The following NDRG4 variants were observed in gnomAD, a reference collection of about 807,000 sequenced individuals.
The protein encoded by NDRG4 is NDRG family member 4.
In NDRG4, 38 loss-of-function variants were observed where a neutral mutation model predicts 55.8. The ratio of observed to expected loss-of-function variants is 0.68; its 90% CI spans 0.53 to 0.89. NDRG4 has a LOEUF of 0.89. Ranked by LOEUF, NDRG4 falls within the 40% of genes least tolerant of loss-of-function variation. The pLI is 0.00. For synonymous variants in NDRG4, 190 were observed against 182.7 expected, an observed-to-expected ratio of 1.04 and a Z score of -0.32; for missense variants, 455 against 468.6, an observed-to-expected ratio of 0.97 and a Z score of 0.27.
At chr16:58,504,725 A>G in intron 5 of NDRG4, 76 bp downstream of exon 5, 3 of 1,538,750 alleles carry the variant, frequency 1.9e-6, no homozygotes, top group South Asian at 2.2e-5. Context: ...GACTGGGGGG[A>G]ACCCTTCAGC....
intron 1 of NDRG4, among the ~76,000 whole-genome samples, chr16:58,486,438 GCATGAGCCA>G (rs1337379419): frequency 6.6e-6 from 1 of 150,730 alleles, no homozygotes; most frequent in Non-Finnish European, 1.5e-5. Context: ...GGGATTATAG[GCATGAGCCA>G]CTGTGCCTGG....
chr16:58,467,375 C>T (rs920028396), intron 1 of NDRG4, among the ~76,000 whole-genome samples: 11 of 152,092 alleles, frequency 7.2e-5, no homozygotes, highest in Admixed American at 3.9e-4. Context: ...GGTGTGGTGG[C>T]GCACGCCTGT....
At position 58,511,355 on chromosome 16, in the gene NDRG4, A is replaced by G. The variant is rs1397897616; in HGVS notation, c.905-67A>G. On this transcript the variant is annotated intron_variant, in intron 14 of 14. Coordinates refer to ENST00000570248, the MANE Select transcript of NDRG4 (RefSeq NM_001242835.2). Reference sequence around the variant, plus strand: ...TCGCTGGCCGCTTTGCTTGCAGCCTACTTTTCCCACCAGAGGCACCTGGCC... The same window carrying G: ...TCGCTGGCCGCTTTGCTTGCAGCCTGCTTTTCCCACCAGAGGCACCTGGCC... 8.0e-6 allele frequency: 12 copies of G among 1,503,126 alleles called. No homozygotes were observed. The East Asian group carries it at 1.1e-4, about 14-fold the overall frequency. 93.1% of individuals were successfully genotyped at this position (1,503,126 alleles called of 1,614,324 possible).
chr16:58,514,007 A>T (rs1295238155), downstream of NDRG4, among the ~76,000 whole-genome samples: 2 of 152,148 alleles, frequency 1.3e-5, no homozygotes, highest in Admixed American at 1.3e-4. Context: ...AAATGCCTTA[A>T]AGACAAAACA....
At chr16:58,472,766 G>A (rs570620801) in intron 1 of NDRG4, among the ~76,000 whole-genome samples, 1 of 152,094 alleles carries the variant, frequency 6.6e-6, no homozygotes, top group Non-Finnish European at 1.5e-5. Flanking sequence ...CCTCGCAAGG[G>A]CAGTGTGGTT....
intron 4 of NDRG4, 57 bp downstream of exon 4, chr16:58,504,478 A>G (rs1366463949): frequency 1.7e-5 from 28 of 1,611,748 alleles, no homozygotes; most frequent in African/African-American, 2.7e-5. Flanking sequence ...CCAACTGCAG[A>G]GCCACCTGGC....
chr16:58,511,727 G>C lies in NDRG4; in HGVS notation c.*151G>C, dbSNP rs1567363072. The C allele has an allele frequency of 1.1e-6, 1 of 932,904 alleles. No individual in the cohort carries two copies. Among genetic ancestry groups the C allele is most frequent in the Admixed American group, 2.0e-5 (1 of 50,426 alleles). The allele number at this position is 932,904 out of a possible 1,614,324, so 57.8% of individuals were successfully genotyped here. ...TGAGGGGATCTTAGATGCTGCAGCA[G>C]AACAGTCTCCAGGTGTTTTAAGGGG... is the stretch of plus-strand genomic sequence containing the variant. On this transcript the variant is annotated 3_prime_UTR_variant, in exon 15 of 15. Transcript: ENST00000570248.
intron 1 of NDRG4, among the ~76,000 whole-genome samples, chr16:58,473,083 C>A (rs2033103772): frequency 6.6e-6 from 1 of 152,156 alleles, no homozygotes; most frequent in African/African-American, 2.4e-5. Context: ...TTCTGAAGTA[C>A]AAATTGTTTT....
At chr16:58,471,972 G>A (rs2032906348) in intron 1 of NDRG4, among the ~76,000 whole-genome samples, 1 of 152,146 alleles carries the variant, frequency 6.6e-6, no homozygotes, top group South Asian at 2.1e-4. Context: ...CATACCCTGT[G>A]CACCCCAAAT....
intron 2 of NDRG4, among the ~76,000 whole-genome samples, chr16:58,488,800 C>T (rs1308412875): frequency 6.6e-6 from 1 of 152,140 alleles, no homozygotes; most frequent in Non-Finnish European, 1.5e-5. Context: ...CAGACAGAAC[C>T]TTGAGTTAAC....
chr16:58,488,624 G>T (rs2035413771), intron 2 of NDRG4, among the ~76,000 whole-genome samples: 1 of 151,940 alleles, frequency 6.6e-6, no homozygotes, highest in African/African-American at 2.4e-5. Flanking sequence ...AATCTGCAGG[G>T]CACTGTAGTC....
chr16:58,506,074 T>C, intron 5 of NDRG4: 2 of 516,644 alleles, frequency 3.9e-6, no homozygotes, highest in East Asian at 4.1e-5. Flanking sequence ...GATTTTAAGA[T>C]GTTTAATACT....
chr16:58,501,272 A>ACAGCACCAC (rs1456945198), intron 1 of NDRG4: 4 of 395,970 alleles, frequency 1.0e-5, no homozygotes, highest in African/African-American at 8.2e-5. Flanking sequence ...AGGCCGAACC[A>ACAGCACCAC]CAGCACCACC....
chr16:58,464,357 G>C lies in NDRG4; in HGVS notation c.-24+560G>C. On this transcript the variant is annotated intron_variant, in intron 1 of 15. Coordinates refer to the NDRG4 transcript ENST00000258187. This position sits in a 1 kb window ranked among gnomAD's most constrained non-coding sequence, Gnocchi z 4.8. ...TGCCGCTCCGCTCCGGGTCTCCCGC[G>C]CTCCTCTCCCCGGCTCGGCCGAGCG... is the stretch of plus-strand genomic sequence containing the variant. 1 of 1,296,962 alleles carries C rather than the reference G, an allele frequency of 7.7e-7. No homozygotes were observed. Among genetic ancestry groups the C allele is most frequent in the Non-Finnish European group, 9.9e-7 (1 of 1,007,650 alleles). The allele number at this position is 1,296,962 out of a possible 1,614,324, so 80.3% of individuals were successfully genotyped here.
Position 58,464,535 on chromosome 16 carries a change from CG to C in NDRG4, c.-24+742del. On this transcript the variant is annotated intron_variant, in intron 1 of 15. Coordinates refer to the NDRG4 transcript ENST00000258187. This position sits in a 1 kb window ranked among gnomAD's most constrained non-coding sequence, Gnocchi z 4.8. The stretch of plus-strand genomic sequence containing the variant: ...TGGAGCGGACTCCGGGCGCGGCGGC[CG>C]GGGACTGGGGCGGCTCGGGTCTGAG... 3 of 1,267,870 alleles carry C rather than the reference CG, an allele frequency of 2.4e-6. No homozygotes were observed. Among genetic ancestry groups the C allele is most frequent in the Non-Finnish European group, 1.0e-6 (1 of 996,866 alleles). The allele number at this position is 1,267,870 out of a possible 1,614,324, so 78.5% of individuals were successfully genotyped here.
Position 58,489,678 on chromosome 16 carries a change from T to G in NDRG4, c.72+1828T>G, listed in dbSNP as rs188817876. Among the ~76,000 whole-genome samples the G allele has an allele frequency of 1.9e-4, 29 of 152,124 alleles. 1 individual carries two copies. Among genetic ancestry groups the G allele is most frequent in the African/African-American group, 6.5e-4 (27 of 41,488 alleles). ...GTTTTGCACCCCCAGGTCTCCCCAG[T>G]GCCTCACACAGCACACATAGCTCTC... is the stretch of plus-strand genomic sequence containing the variant. On this transcript the variant is annotated intron_variant, in intron 2 of 15. Coordinates refer to the NDRG4 transcript ENST00000258187.
At chr16:58,488,790 CA>C (rs1412563116) in intron 2 of NDRG4, among the ~76,000 whole-genome samples, 1 of 152,190 alleles carries the variant, frequency 6.6e-6, no homozygotes, top group Admixed American at 6.5e-5. Context: ...TGTTATCTTC[CA>C]GACAGAACCT....
downstream of NDRG4, among the ~76,000 whole-genome samples, chr16:58,513,795 T>C (rs2039028177): frequency 1.3e-5 from 2 of 151,884 alleles, no homozygotes; most frequent in South Asian, 4.1e-4. Flanking sequence ...CCGTCTCTAC[T>C]AAAAATACAA....
At chr16:58,479,945 C>T (rs1015817640) in intron 1 of NDRG4, among the ~76,000 whole-genome samples, 1 of 152,138 alleles carries the variant, frequency 6.6e-6, no homozygotes, top group Non-Finnish European at 1.5e-5. Flanking sequence ...TATTTTCTTT[C>T]TCCTTATTGA....
Sources: gnomAD v4.1 joint callset for allele counts (sites outside exome capture counted in the v4.1 genomes callset) on GRCh38, gnomAD v4.1.1 for gene constraint, Gnocchi (gnomAD v3.1) non-coding constraint, MANE v1.5 for transcripts, NCBI Gene and HGNC (gene_info 2026-07-23, HGNC 2026-07-21) for gene names.